Variants in CNTNAP1 observed in about 807,000 individuals in gnomAD.
CNTNAP1 encodes contactin associated protein 1.
A neutral mutation model predicts 161.5 loss-of-function variants in CNTNAP1; 80 were observed. The ratio of observed to expected loss-of-function variants is 0.50; its 90% CI spans 0.41 to 0.60. CNTNAP1 has a LOEUF of 0.60. Among genes scored for constraint, CNTNAP1 ranks in the 20% least tolerant of loss-of-function variants. The probability of loss-of-function intolerance (pLI) is 0.00; values close to 1 mark genes in which losing one functional copy is unlikely to be tolerated. For missense variants in CNTNAP1, 1,464 were observed against 1,854.8 expected (o/e 0.79, Z 3.87); for synonymous variants, 695 against 733.1 (o/e 0.95, Z 0.84).
Position 42,687,007 on chromosome 17 carries a change from A to C in CNTNAP1, c.1005A>C (p.Ala335=). ...TAATCTTCAACCGCGTCAACATCGC[A>C]GACCTGGCCGTGCGGCGCCATTCCC... ...ENVIFNRVNI[A]DLAVRRHSRI... is the part of the protein sequence containing the mutation. Residue 335 remains alanine (A), a synonymous_variant, in exon 7 of 24, where the codon GCA becomes GCC. Coordinates refer to ENST00000264638, the MANE Select transcript of CNTNAP1 (RefSeq NM_003632.3). The surrounding 1 kb of genome is among the most constrained non-coding windows in gnomAD (Gnocchi z 4.7). 6.2e-7 allele frequency: 1 copy of C among 1,613,974 alleles called. No homozygotes were observed. The highest frequency in any genetic ancestry group is 8.5e-7 in the Non-Finnish European group (1 of 1,179,892).
Position 42,685,472 on chromosome 17 carries a change from C to A in CNTNAP1, c.715+52C>A. On this transcript the variant is annotated intron_variant, in intron 5 of 23. Coordinates refer to ENST00000264638, the MANE Select transcript of CNTNAP1 (RefSeq NM_003632.3). The surrounding 1 kb of genome is among the most constrained non-coding windows in gnomAD (Gnocchi z 5.0). ...GGAGCCAACCCCTGAAGCTCTCTCA[C>A]CGCCCTCCTCGTGGCACCTCCTCCG... The A allele has an allele frequency of 1.3e-6, 2 of 1,530,144 alleles. No individual in the cohort carries two copies. Among genetic ancestry groups the A allele is most frequent in the Non-Finnish European group, 1.8e-6 (2 of 1,132,034 alleles). The allele number at this position is 1,530,144 out of a possible 1,614,324, so 94.8% of individuals were successfully genotyped here.
intron 6 of CNTNAP1, among the ~76,000 whole-genome samples, chr17:42,686,480 T>TGTTTG (rs1555642218): frequency 3.0e-5 from 4 of 132,010 alleles, no homozygotes; most frequent in Non-Finnish European, 1.5e-5. Context: ...TTTTTTTTTT[T>TGTTTG]TTTTTTTTTT....
rs1265482613 is a variant in CNTNAP1, at chr17:42,684,162, G to A, written c.296G>A (p.Arg99His). The A allele has an allele frequency of 4.3e-6, 7 of 1,614,064 alleles. No individual in the cohort carries two copies. The South Asian group carries it at 6.6e-5, about 15-fold the overall frequency. The part of the protein sequence containing the change: ...GSFNSWDWVT[R>H]YMLLYGDRVD... Reference sequence around the variant, plus strand: ...TTTAATTCTTGGGACTGGGTCACACGTTACATGCTACTCTACGGCGACCGA... The same window carrying A: ...TTTAATTCTTGGGACTGGGTCACACATTACATGCTACTCTACGGCGACCGA... The change falls in exon 3 of 24, where the codon CGT becomes CAT. Residue 99 changes from arginine (R) to histidine (H), a missense_variant. Arg to His is a conservative substitution (Grantham distance 29, BLOSUM62 0). This residue lies in a region of CNTNAP1 where 1,383 missense variants were observed against 1,765.0 expected (regional missense o/e 0.78). Transcript: ENST00000264638.
At chr17:42,690,319 A>ACCC (rs1355903224) in intron 12 of CNTNAP1, 112 bp downstream of exon 12, 6 of 1,319,652 alleles carry the variant, frequency 4.5e-6, no homozygotes, top group Non-Finnish European at 6.4e-6. Context: ...ACAGAGGGGA[A>ACCC]GGGCATACTG....
At position 42,685,273 on chromosome 17, in the gene CNTNAP1, G is replaced by C; in HGVS notation, c.568G>C (p.Gly190Arg). 1 of 1,613,790 alleles carries C rather than the reference G, an allele frequency of 6.2e-7. No homozygotes were observed. ...TGCCATCTCCTACCGCTTCCCGCGA[G>C]GGGTCAGCCGAAGCCTGTGGGACGT... ...DDAISYRFPRGVSRSLWDVFA... is the reference protein window; with the variant it reads ...DDAISYRFPRRVSRSLWDVFA... The change falls in exon 5 of 24, where the codon GGG (glycine) becomes CGG (arginine). Residue 190 changes from glycine (G) to arginine (R), a missense_variant. Physicochemically the swap from Gly to Arg is moderately radical, Grantham distance 125. Transcript: ENST00000264638. The surrounding 1 kb of genome is among the most constrained non-coding windows in gnomAD (Gnocchi z 5.0).
Position 42,697,415 on chromosome 17 carries a change from GTTCCTGGA to G in CNTNAP1, c.3568+50_3568+57del, listed in dbSNP as rs768732036. ...TTTTAGGCAAGGAGCTGTGGCATATGTTCCTGGATCCTCAAGGAAAGTGAAGGCCCTGG... is the reference window on the plus strand; with the variant it reads ...TTTTAGGCAAGGAGCTGTGGCATATGTCCTCAAGGAAAGTGAAGGCCCTGG... On this transcript the variant is annotated intron_variant, in intron 21 of 23. Transcript: ENST00000264638. 4 of 1,608,178 alleles carry G rather than the reference GTTCCTGGA, an allele frequency of 2.5e-6. No individual in the cohort carries two copies. The South Asian group carries it at 4.4e-5, about 18-fold the overall frequency.
Position 42,690,205 on chromosome 17 carries a change from G to C in CNTNAP1, c.1853G>C (p.Arg618Pro). The change falls in exon 12 of 24, where the codon CGA becomes CCA. Residue 618 changes from arginine (R) to proline (P), a missense_variant and splice_region_variant. Physicochemically the swap from Arg to Pro is moderately radical, Grantham distance 103. Transcript: ENST00000264638. ...LKPFVVYCDIRENRAWTVVRH... is the reference protein window; with the variant it reads ...LKPFVVYCDIPENRAWTVVRH... Reference sequence around the variant, plus strand: ...CCATTTGTAGTGTACTGTGATATCCGAGGTAAGTGTCTCTGTTGGGTGGTG... The same window carrying C: ...CCATTTGTAGTGTACTGTGATATCCCAGGTAAGTGTCTCTGTTGGGTGGTG... 1 of 1,613,888 alleles carries C rather than the reference G, an allele frequency of 6.2e-7. No homozygotes were observed. Among genetic ancestry groups the C allele is most frequent in the Non-Finnish European group, 8.5e-7 (1 of 1,179,882 alleles).
intron 3 of CNTNAP1, 57 bp downstream of exon 3, chr17:42,684,286 G>C: frequency 6.5e-7 from 1 of 1,532,770 alleles, no homozygotes; most frequent in Non-Finnish European, 8.8e-7. Flanking sequence ...CCAGGCTCTG[G>C]GCCGGGCACC....
intron 1 of CNTNAP1, chr17:42,683,300 T>C: frequency 9.6e-7 from 1 of 1,043,908 alleles, no homozygotes; most frequent in Non-Finnish European, 1.2e-6. Flanking sequence ...GGTTTGTGGC[T>C]GGGGCTGGGT....
At chr17:42,693,620 A>G (rs969339398) in intron 18 of CNTNAP1, 84 bp downstream of exon 18, 19 of 1,542,790 alleles carry the variant, frequency 1.2e-5, no homozygotes, top group African/African-American at 4.1e-5. Flanking sequence ...TAGCATGTAA[A>G]GCCCATATCA....
Position 42,687,108 on chromosome 17 carries a change from G to A in CNTNAP1, c.1044+62G>A. 6.4e-7 allele frequency: 1 copy of A among 1,572,648 alleles called. No homozygotes were observed. The highest frequency in any genetic ancestry group is 8.7e-7 in the Non-Finnish European group (1 of 1,152,240). On this transcript the variant is annotated intron_variant, in intron 7 of 23. Coordinates refer to ENST00000264638, the MANE Select transcript of CNTNAP1 (RefSeq NM_003632.3). This position sits in a 1 kb window ranked among gnomAD's most constrained non-coding sequence, Gnocchi z 4.7. Reference sequence around the variant, plus strand: ...AAAGCGTCGTGGAAAGCAAAGAGGTGGAGCGGGAAGAGATATTGAACATCA... The same window carrying A: ...AAAGCGTCGTGGAAAGCAAAGAGGTAGAGCGGGAAGAGATATTGAACATCA...
At chr17:42,696,966 G>A (rs1270933108) in intron 20 of CNTNAP1, among the ~76,000 whole-genome samples, 2 of 152,096 alleles carry the variant, frequency 1.3e-5, no homozygotes, top group Non-Finnish European at 2.9e-5. Context: ...TTGAGGCCAG[G>A]AGTTTGAGAC....
Position 42,687,293 on chromosome 17 carries a change from C to A in CNTNAP1, c.1044+247C>A. 1 of 547,692 alleles carries A rather than the reference C, an allele frequency of 1.8e-6. No individual in the cohort carries two copies. Among genetic ancestry groups the A allele is most frequent in the Non-Finnish European group, 3.2e-6 (1 of 312,388 alleles). 33.9% of individuals were successfully genotyped at this position (547,692 alleles called of 1,614,324 possible). A position where few individuals can be genotyped will look rare whatever the true frequency, so the allele number is the denominator to read the frequency against. ...ATAGATGAAGAAAGTAAGGCGCAGACACAGGGAGTGGCTTGTCCAGGGGTC... is the reference window on the plus strand; with the variant it reads ...ATAGATGAAGAAAGTAAGGCGCAGAAACAGGGAGTGGCTTGTCCAGGGGTC... On this transcript the variant is annotated intron_variant, in intron 7 of 23. Transcript: ENST00000264638. The surrounding 1 kb of genome is among the most constrained non-coding windows in gnomAD (Gnocchi z 4.7).
At position 42,699,294 on chromosome 17, in the gene CNTNAP1, T is replaced by C. The variant is rs2053196973; in HGVS notation, c.*384T>C. On this transcript the variant is annotated 3_prime_UTR_variant, in exon 24 of 24. Coordinates refer to ENST00000264638, the MANE Select transcript of CNTNAP1 (RefSeq NM_003632.3). Reference sequence around the variant, plus strand: ...AATAGACACTATCAGCAGGGACAGATGTGTGGGAGTGCAGGGCTGCAGAGG... The same window carrying C: ...AATAGACACTATCAGCAGGGACAGACGTGTGGGAGTGCAGGGCTGCAGAGG... The C allele has an allele frequency of 1.2e-5, 2 of 167,882 alleles. No homozygotes were observed. Among genetic ancestry groups the C allele is most frequent in the Non-Finnish European group, 2.5e-5 (2 of 78,584 alleles). The allele number at this position is 167,882 out of a possible 1,614,324, so 10.4% of individuals were successfully genotyped here. A position where few individuals can be genotyped will look rare whatever the true frequency, so the allele number is the denominator to read the frequency against.
intron 8 of CNTNAP1, 35 bp downstream of exon 8, chr17:42,688,016 G>T (rs1011386369): frequency 1.3e-6 from 2 of 1,599,158 alleles, no homozygotes; most frequent in Non-Finnish European, 1.7e-6. Flanking sequence ...AAGAAGAGAA[G>T]AGAAGTGTAG....
chr17:42,691,554 C>G lies in CNTNAP1; in HGVS notation c.2344+43C>G. On this transcript the variant is annotated intron_variant, in intron 15 of 23. Transcript: ENST00000264638. The surrounding 1 kb of genome is among the most constrained non-coding windows in gnomAD (Gnocchi z 4.3). ...TTTGTGTGCCCTCCCAGAGCTGACT[C>G]TCCAGTTTCCAAAATCTAGGCCGCA... 6.2e-7 allele frequency: 1 copy of G among 1,608,824 alleles called. No homozygotes were observed. The highest frequency in any genetic ancestry group is 8.5e-7 in the Non-Finnish European group (1 of 1,177,706).
In CNTNAP1 at chr17:42,682,707, TG is replaced by T; in HGVS notation, c.-120del. 1 of 832,632 alleles carries T rather than the reference TG, an allele frequency of 1.2e-6. No homozygotes were observed. Among genetic ancestry groups the T allele is most frequent in the Non-Finnish European group, 1.9e-6 (1 of 538,086 alleles). 51.6% of individuals were successfully genotyped at this position (832,632 alleles called of 1,614,324 possible). ...GCGAAAGGAGAGAGGGAGGGAAGGG[TG>T]GGTAAGGAGGAGAGAGCGGTCTGCT... On this transcript the variant is annotated 5_prime_UTR_variant, in exon 1 of 24. Coordinates refer to ENST00000264638, the MANE Select transcript of CNTNAP1 (RefSeq NM_003632.3).
At chr17:42,689,498 C>G (rs1289080161) in intron 10 of CNTNAP1, 23 bp from the exon 11 acceptor site, 6 of 1,595,836 alleles carry the variant, frequency 3.8e-6, no homozygotes, top group Non-Finnish European at 5.1e-6. Flanking sequence ...GGCTCCTTCC[C>G]TTGGTCCTGA....
In CNTNAP1 at chr17:42,687,199, C is replaced by A; in HGVS notation, c.1044+153C>A. 1 of 1,084,244 alleles carries A rather than the reference C, an allele frequency of 9.2e-7. No homozygotes were observed. Among genetic ancestry groups the A allele is most frequent in the Non-Finnish European group, 1.3e-6 (1 of 771,266 alleles). 67.2% of individuals were successfully genotyped at this position (1,084,244 alleles called of 1,614,324 possible). A position where few individuals can be genotyped will look rare whatever the true frequency, so the allele number is the denominator to read the frequency against. On this transcript the variant is annotated intron_variant, in intron 7 of 23. Coordinates refer to ENST00000264638, the MANE Select transcript of CNTNAP1 (RefSeq NM_003632.3). The surrounding 1 kb of genome is among the most constrained non-coding windows in gnomAD (Gnocchi z 4.7). ...AAGTTGGGAGGGGAGCGGGTCTCAC[C>A]TGAGGTGCATGAGCCACGCAGGCCC... is the stretch of plus-strand genomic sequence containing the variant.
Sources: gnomAD v4.1 joint callset for allele counts (sites outside exome capture counted in the v4.1 genomes callset) on GRCh38, gnomAD v4.1.1 for gene constraint, gnomAD v4.1.1 regional missense constraint, Gnocchi (gnomAD v3.1) non-coding constraint, MANE v1.5 for transcripts, NCBI Gene and HGNC (gene_info 2026-07-23, HGNC 2026-07-21) for gene names.